RASSF4: variants seen among roughly 807,000 people sequenced by gnomAD.
RASSF4 encodes the protein Ras association domain family member 4, also known as ras association domain-containing protein 4.
In RASSF4, 38 loss-of-function variants were observed where a neutral mutation model predicts 41.1. The observed-to-expected ratio is 0.92, with a 90% CI of 0.71 to 1.21. The LOEUF is 1.21. Among genes scored for constraint, RASSF4 ranks in the 50% most tolerant of loss-of-function variants. RASSF4 has a pLI of 0.00. For synonymous variants in RASSF4, 179 were observed against 163.4 expected (o/e 1.10, Z -0.73); for missense variants, 414 against 419.4 (o/e 0.99, Z 0.11).
rs1267389601 is a variant in RASSF4 at position 44,995,460 on chromosome 10, C to T, written c.*2131C>T. Reference sequence around the variant, plus strand: ...GAAGCCAGTGGAGCAGGAGACCCTCCCTAAGTACCAGCCTGTTTGGTTGGT... The same window carrying T: ...GAAGCCAGTGGAGCAGGAGACCCTCTCTAAGTACCAGCCTGTTTGGTTGGT... On this transcript the variant is annotated 3_prime_UTR_variant, in exon 11 of 11. Coordinates refer to ENST00000340258, the MANE Select transcript of RASSF4 (RefSeq NM_032023.4). The T allele has an allele frequency of 6.6e-6, 1 of 152,232 alleles. No individual in the cohort carries two copies. Among genetic ancestry groups the T allele is most frequent in the Non-Finnish European group, 1.5e-5 (1 of 68,048 alleles). 9.4% of individuals were successfully genotyped at this position (152,232 alleles called of 1,614,324 possible). A position where few individuals can be genotyped will look rare whatever the true frequency, so the allele number is the denominator to read the frequency against.
At chr10:44,977,530 CTGCGGTGGTCTTGCCAGGGAA>C in intron 3 of RASSF4, 3 of 1,613,490 alleles carry the variant, frequency 1.9e-6, no homozygotes, top group Non-Finnish European at 2.5e-6. Context: ...GCTGCCCATC[CTGCGGTGGTCTTGCCAGGGAA>C]TGCCCAGGCA....
Position 44,970,296 on chromosome 10 carries a change from G to A in RASSF4, c.62+32G>A, listed in dbSNP as rs756706017. The A allele has an allele frequency of 2.2e-5, 35 of 1,589,478 alleles. No homozygotes were observed. In the African/African-American group the frequency reaches 3.8e-4, roughly 17 times the overall value. On this transcript the variant is annotated intron_variant, in intron 2 of 10. Coordinates refer to ENST00000340258, the MANE Select transcript of RASSF4 (RefSeq NM_032023.4). ...CTTGGTGTGCAGGTTGGGCGGGGGA[G>A]TCTTCACATTTGCCATCCCCCTCAT...
chr10:44,986,786 C>T (rs561910074), intron 6 of RASSF4, among the ~76,000 whole-genome samples: 1 of 152,296 alleles, frequency 6.6e-6, no homozygotes, highest in East Asian at 1.9e-4. Flanking sequence ...TGAGATAGTT[C>T]CAGGTTTTGT....
rs757267582 is a variant in RASSF4, at chr10:44,982,384, G to A, written c.139-137G>A. On this transcript the variant is annotated intron_variant, in intron 3 of 10. Coordinates refer to ENST00000340258, the MANE Select transcript of RASSF4 (RefSeq NM_032023.4). ...CGCCCCAGGGCACGTAGTGGCTGAT[G>A]GTCCTTCCTGAGGGGATGGGGCCAC... 5.7e-6 allele frequency: 6 copies of A among 1,054,478 alleles called. No individual in the cohort carries two copies. The East Asian group carries it at 1.5e-4, about 27-fold the overall frequency. 65.3% of individuals were successfully genotyped at this position (1,054,478 alleles called of 1,614,324 possible).
At position 44,969,925 on chromosome 10, in the gene RASSF4, G is replaced by C. The variant is rs148054317; in HGVS notation, c.-38-240G>C. On this transcript the variant is annotated intron_variant, in intron 1 of 10. Transcript: ENST00000340258. The stretch of plus-strand genomic sequence containing the variant: ...CCTGGGGATTATGGAGAGTCTTCTG[G>C]GGTGGGCGGCTGAAAGGACCAGTGT... Among the ~76,000 whole-genome samples, 118 of 152,332 alleles carry C rather than the reference G, an allele frequency of 7.7e-4. No individual in the cohort carries two copies. In the East Asian group the frequency reaches 0.02, roughly 26 times the overall value.
intron 1 of RASSF4, among the ~76,000 whole-genome samples, chr10:44,967,145 A>G (rs1840930796): frequency 6.6e-6 from 1 of 152,200 alleles, no homozygotes; most frequent in Non-Finnish European, 1.5e-5. Context: ...GTCCATATCC[A>G]GTGTGGGTTG....
intron 3 of RASSF4, 196 bp from the exon 4 acceptor site, chr10:44,982,325 C>T (rs1254412721): frequency 1.4e-6 from 1 of 704,716 alleles, no homozygotes; most frequent in African/African-American, 1.8e-5. Context: ...GAGCTGAGCA[C>T]ATCTCAGGCT....
At chr10:44,975,029 G>A (rs1841346056) in intron 3 of RASSF4, among the ~76,000 whole-genome samples, 2 of 152,212 alleles carry the variant, frequency 1.3e-5, no homozygotes, top group African/African-American at 4.8e-5. Context: ...CTCTGGACAA[G>A]CAAGTGAGCC....
intron 4 of RASSF4, chr10:44,983,737 C>T: frequency 2.3e-6 from 1 of 434,136 alleles, no homozygotes; most frequent in Non-Finnish European, 4.2e-6. Context: ...AATGCGCAGG[C>T]CCTGACTATG....
intron 1 of RASSF4, among the ~76,000 whole-genome samples, chr10:44,968,949 G>T (rs1451327060): frequency 6.6e-6 from 1 of 152,110 alleles, no homozygotes; most frequent in Admixed American, 6.6e-5. Context: ...GGTCAGCACT[G>T]GAGTATGTGT....
At chr10:44,966,877 G>T (rs1288046140) in intron 1 of RASSF4, among the ~76,000 whole-genome samples, 2 of 152,094 alleles carry the variant, frequency 1.3e-5, no homozygotes, top group African/African-American at 4.8e-5. Context: ...TCCTTTTGCT[G>T]GTCATGTGAA....
At chr10:44,989,573 T>G in intron 7 of RASSF4, 97 bp from the exon 8 acceptor site, 3 of 1,140,392 alleles carry the variant, frequency 2.6e-6, no homozygotes, top group Non-Finnish European at 4.0e-6. Context: ...GCAACTTGCG[T>G]GTGTGTTACT....
rs1404127035 is a variant in RASSF4 at position 44,991,089 on chromosome 10, G to A, written c.807+20G>A. On this transcript the variant is annotated intron_variant, in intron 9 of 10. Coordinates refer to ENST00000340258, the MANE Select transcript of RASSF4 (RefSeq NM_032023.4). Reference sequence around the variant, plus strand: ...CATGAAGTGAGTGGGGGCCAAGGCTGGGGAGGCCTGCTCTAGGGTGAGGGG... The same window carrying A: ...CATGAAGTGAGTGGGGGCCAAGGCTAGGGAGGCCTGCTCTAGGGTGAGGGG... 1.9e-6 allele frequency: 3 copies of A among 1,605,902 alleles called. No individual in the cohort carries two copies. The highest frequency in any genetic ancestry group is 1.3e-5 in the African/African-American group (1 of 74,954).
At chr10:44,968,751 C>T (rs745572498) in intron 1 of RASSF4, among the ~76,000 whole-genome samples, 6 of 152,172 alleles carry the variant, frequency 3.9e-5, no homozygotes, top group East Asian at 1.9e-4. Context: ...CCCCGCCCCC[C>T]GTGGCATTTG....
chr10:44,992,258 CGCAGGCATGAGCT>C (rs532710964), intron 10 of RASSF4, among the ~76,000 whole-genome samples: 127 of 152,352 alleles, frequency 8.3e-4, no homozygotes, highest in African/African-American at 3.0e-3. Context: ...TCCTCACCAG[CGCAGGCATGAGCT>C]GCAGAACACC....
intron 6 of RASSF4, among the ~76,000 whole-genome samples, chr10:44,987,626 CTT>C (rs34115822): frequency 0.048 from 6,097 of 128,158 alleles, 145 homozygotes; most frequent in East Asian, 0.066. Flanking sequence ...AAAATGTGCA[CTT>C]TTTTTTTTTT....
chr10:44,986,652 C>T (rs1219112582), intron 6 of RASSF4, among the ~76,000 whole-genome samples: 1 of 152,188 alleles, frequency 6.6e-6, no homozygotes, highest in Non-Finnish European at 1.5e-5. Context: ...AAGCACTATG[C>T]AAAAAGCCCT....
At position 44,984,020 on chromosome 10, in the gene RASSF4, A is replaced by G. The variant is rs769996589; in HGVS notation, c.282-2A>G. 71 of 1,594,644 alleles carry G rather than the reference A, an allele frequency of 4.5e-5. No individual in the cohort carries two copies. The highest frequency in any genetic ancestry group is 5.9e-5 in the Non-Finnish European group (69 of 1,170,828). ...CTCAGCCCTGCAGTTGTCTGTTTTC[A>G]GAAAGGAGCCATCGCCCCAGAACGG... On this transcript the variant is annotated splice_acceptor_variant, in intron 4 of 10. Transcript: ENST00000340258. LOFTEE classifies it high-confidence loss of function.
intron 3 of RASSF4, chr10:44,977,306 C>T (rs1841476007): frequency 1.3e-6 from 2 of 1,483,234 alleles, no homozygotes; most frequent in South Asian, 2.8e-5. Flanking sequence ...TTTCAGAGAC[C>T]TGCCAGGGGC....
Sources: allele counts gnomAD v4.1 joint callset (sites outside exome capture counted in the v4.1 genomes callset), GRCh38; gene constraint gnomAD v4.1.1; transcripts MANE v1.5; gene names NCBI Gene and HGNC (gene_info 2026-07-23, HGNC 2026-07-21).